The following PDE4A variants were observed in gnomAD, a reference collection of about 807,000 sequenced individuals.
The protein encoded by PDE4A is phosphodiesterase 4A, also known as 3',5'-cyclic-AMP phosphodiesterase 4A.
A neutral mutation model predicts 73.9 loss-of-function variants in PDE4A; 21 were observed. The ratio of observed to expected loss-of-function variants is 0.28; its 90% confidence interval spans 0.20 to 0.41. PDE4A has a LOEUF of 0.41. Ranked by LOEUF, PDE4A falls within the 10% of genes least tolerant of loss-of-function variation. The probability of loss-of-function intolerance (pLI) is 1.00; values close to 1 mark genes in which losing one functional copy is unlikely to be tolerated. For synonymous variants in PDE4A, 463 were observed against 505.4 expected (o/e 0.92, Z 1.13); for missense variants, 958 against 1,211.4 (o/e 0.79, Z 3.10).
At chr19:10,427,368 G>A (rs144796228) in intron 1 of PDE4A, 3 of 381,064 alleles carry the variant, frequency 7.9e-6, no homozygotes, top group African/African-American at 6.6e-5. Context: ...AGAGGGAAGA[G>A]CCAGTGCAGA....
chr19:10,467,656 TC>T lies in PDE4A; in HGVS notation c.*39del. 1 of 1,443,464 alleles carries T rather than the reference TC, an allele frequency of 6.9e-7. No homozygotes were observed. The highest frequency in any genetic ancestry group is 9.4e-7 in the Non-Finnish European group (1 of 1,069,316). 89.4% of individuals were successfully genotyped at this position (1,443,464 alleles called of 1,614,324 possible). Reference sequence around the variant, plus strand: ...CTCTGTCCCTGTTCCCCTCCACTCCTCCCCTCACTCCCCTGCTCCCCCGACC... The same window carrying T: ...CTCTGTCCCTGTTCCCCTCCACTCCTCCCTCACTCCCCTGCTCCCCCGACC... On this transcript the variant is annotated 3_prime_UTR_variant, in exon 15 of 15. Coordinates refer to ENST00000380702, the MANE Select transcript of PDE4A (RefSeq NM_001111307.2).
chr19:10,422,924 G>T (rs1455871638), intron 1 of PDE4A, among the ~76,000 whole-genome samples: 2 of 152,102 alleles, frequency 1.3e-5, no homozygotes, highest in African/African-American at 4.8e-5. Context: ...TCTTTGCAAG[G>T]CTCCAGGGAC....
upstream of PDE4A, among the ~76,000 whole-genome samples, chr19:10,419,304 A>T (rs1447508604): frequency 1.8e-5 from 1 of 56,010 alleles, no homozygotes; most frequent in African/African-American, 7.0e-5. Context: ...GTTGAGGGGG[A>T]TGGGGGCGCA....
chr19:10,444,507 A>G (rs1599427105), intron 1 of PDE4A, among the ~76,000 whole-genome samples: 1 of 152,146 alleles, frequency 6.6e-6, no homozygotes, highest in South Asian at 2.1e-4. Flanking sequence ...TCAAAAAAAA[A>G]AAAAAAGTAT....
At chr19:10,429,556 T>G (rs2042761656) in intron 1 of PDE4A, among the ~76,000 whole-genome samples, 1 of 152,146 alleles carries the variant, frequency 6.6e-6, no homozygotes, top group African/African-American at 2.4e-5. Flanking sequence ...TGGGCTGGTC[T>G]CGAACTCCTG....
At chr19:10,425,954 T>C (rs2145452609) in intron 1 of PDE4A, among the ~76,000 whole-genome samples, 1 of 120,730 alleles carries the variant, frequency 8.3e-6, no homozygotes, top group Non-Finnish European at 1.6e-5. Flanking sequence ...GCCACTGCAC[T>C]CCAGTCTGGG....
intron 1 of PDE4A, among the ~76,000 whole-genome samples, chr19:10,422,259 T>TG (rs1035390014): frequency 6.6e-6 from 1 of 152,186 alleles, no homozygotes; most frequent in African/African-American, 2.4e-5. Context: ...ATTGAGTTCG[T>TG]GGAACAGTCT....
In PDE4A at chr19:10,467,627, A is replaced by C. The variant is rs1008963453; in HGVS notation, c.*6A>C. On this transcript the variant is annotated 3_prime_UTR_variant, in exon 15 of 15. Transcript: ENST00000380702. ...CAGGTGGAGACCCTACCTGATCCCC[A>C]GACCTCTGTCCCTGTTCCCCTCCAC... 1 of 1,544,496 alleles carries C rather than the reference A, an allele frequency of 6.5e-7. No homozygotes were observed. Among genetic ancestry groups the C allele is most frequent in the Non-Finnish European group, 8.7e-7 (1 of 1,143,718 alleles).
At chr19:10,460,262 G>A (rs994337828) in intron 10 of PDE4A, among the ~76,000 whole-genome samples, 45 of 151,704 alleles carry the variant, frequency 3.0e-4, no homozygotes, top group Admixed American at 1.5e-3. Flanking sequence ...ACTTTGGAAG[G>A]CCAAGATGGG....
chr19:10,432,181 G>T (rs1249502400), intron 1 of PDE4A, among the ~76,000 whole-genome samples: 51 of 138,208 alleles, frequency 3.7e-4, no homozygotes, highest in African/African-American at 7.0e-4. Flanking sequence ...GGAGACGGGG[G>T]GGGGGGGGGG....
chr19:10,455,548 C>A (rs745980457), intron 7 of PDE4A, among the ~76,000 whole-genome samples: 5 of 151,886 alleles, frequency 3.3e-5, no homozygotes, highest in African/African-American at 1.2e-4. Flanking sequence ...GCAAGAGAAT[C>A]TCTTGAACTC....
At chr19:10,430,827 CG>C (rs1370897838) in intron 1 of PDE4A, 3 of 1,085,714 alleles carry the variant, frequency 2.8e-6, no homozygotes, top group Non-Finnish European at 3.4e-6. Flanking sequence ...CCCGCCGAGG[CG>C]GGGCCGCCCC....
At chr19:10,442,703 T>G (rs547906616) in intron 1 of PDE4A, among the ~76,000 whole-genome samples, 62 of 150,774 alleles carry the variant, frequency 4.1e-4, no homozygotes, top group African/African-American at 1.5e-3. Context: ...TTATAATTAC[T>G]TATTACATAT....
upstream of PDE4A, chr19:10,420,512 G>A (rs1271527429): frequency 8.6e-5 from 90 of 1,043,084 alleles, no homozygotes; most frequent in Non-Finnish European, 1.0e-4. This position sits in a 1 kb window ranked among gnomAD's most constrained non-coding sequence, Gnocchi z 6.0. Flanking sequence ...CGAGCGGGCC[G>A]CGGAACGCGG....
At chr19:10,418,341 C>A (rs944727141), upstream of PDE4A, among the ~76,000 whole-genome samples, 1 of 152,184 alleles carries the variant, frequency 6.6e-6, no homozygotes, top group African/African-American at 2.4e-5. Flanking sequence ...TGATTCTCAT[C>A]TGGGGACCTT....
intron 6 of PDE4A, among the ~76,000 whole-genome samples, chr19:10,452,583 T>A (rs1009357852): frequency 1.3e-5 from 2 of 151,856 alleles, no homozygotes; most frequent in Non-Finnish European, 2.9e-5. Flanking sequence ...CCTATAAGTG[T>A]GTTGGACATC....
At position 10,467,103 on chromosome 19, in the gene PDE4A, G is replaced by A. The variant is rs1474063929; in HGVS notation, c.2143G>A (p.Glu715Lys). The A allele has an allele frequency of 1.5e-5, 25 of 1,614,148 alleles. No homozygotes were observed. Among genetic ancestry groups the A allele is most frequent in the Non-Finnish European group, 2.1e-5 (25 of 1,180,024 alleles). ...GTTCCAGTTTGAGCTGACGCTGGAG[G>A]AGGAAGAGGAGGAAGAAATATCAAT... ...DKFQFELTLE[E>K]EEEEEISMAQ... Residue 715 changes from glutamate to lysine, a missense_variant, in exon 15 of 15, where the codon GAG becomes AAG. Physicochemically the swap from Glu to Lys is moderately conservative, Grantham distance 56. Coordinates refer to ENST00000380702, the MANE Select transcript of PDE4A (RefSeq NM_001111307.2).
Position 10,453,324 on chromosome 19 carries a change from G to C in PDE4A, c.784-1505G>C. 6.2e-7 allele frequency: 1 copy of C among 1,612,908 alleles called. No homozygotes were observed. The highest frequency in any genetic ancestry group is 8.5e-7 in the Non-Finnish European group (1 of 1,179,510). On this transcript the variant is annotated intron_variant, in intron 6 of 14. Transcript: ENST00000380702. This position sits in a 1 kb window ranked among gnomAD's most constrained non-coding sequence, Gnocchi z 4.6. Reference sequence around the variant, plus strand: ...TAAGCCTTGGCTGGTGGGCTGGTGGGACCAGGTAGGAGAGTGCAGGGTAGG... The same window carrying C: ...TAAGCCTTGGCTGGTGGGCTGGTGGCACCAGGTAGGAGAGTGCAGGGTAGG...
At position 10,462,138 on chromosome 19, in the gene PDE4A, T is replaced by C. The variant is rs2043283613; in HGVS notation, c.1743+139T>C. The C allele has an allele frequency of 4.0e-5, 28 of 699,958 alleles. No individual in the cohort carries two copies. In the South Asian group the frequency reaches 5.7e-4, roughly 14 times the overall value. The allele number at this position is 699,958 out of a possible 1,614,324, so 43.4% of individuals were successfully genotyped here. A position where few individuals can be genotyped will look rare whatever the true frequency, so the allele number is the denominator to read the frequency against. ...CTGTGTCCTTCTTTCTTTTTTTTTG[T>C]TTGTTTGTTTTTGAGACGGAGTCTT... is the stretch of plus-strand genomic sequence containing the variant. On this transcript the variant is annotated intron_variant, in intron 13 of 14. Transcript: ENST00000380702.
Sources: allele counts gnomAD v4.1 joint callset (sites outside exome capture counted in the v4.1 genomes callset), GRCh38; gene constraint gnomAD v4.1.1; non-coding constraint Gnocchi (gnomAD v3.1); transcripts MANE v1.5; gene names NCBI Gene and HGNC (gene_info 2026-07-23, HGNC 2026-07-21).